Variants in CLINT1 observed in about 807,000 individuals in gnomAD.
The protein encoded by CLINT1 is clathrin interactor 1, also known as clathrin interacting protein localized in the trans-Golgi region.
Under a neutral mutation model 70.4 loss-of-function variants are expected in CLINT1, and 15 were observed. That is an observed-to-expected ratio of 0.21 (90% CI 0.14 to 0.33). The LOEUF (loss-of-function observed/expected upper bound fraction) is 0.33. Among genes scored for constraint, CLINT1 ranks in the 10% least tolerant of loss-of-function variants. The pLI is 1.00. For synonymous variants in CLINT1, 227 were observed against 254.7 expected (o/e 0.89, Z 1.04); for missense variants, 615 against 778.1 (o/e 0.79, Z 2.49).
intron 1 of CLINT1, among the ~76,000 whole-genome samples, chr5:157,828,017 C>T (rs1230462758): frequency 6.6e-6 from 1 of 152,202 alleles, no homozygotes; most frequent in Non-Finnish European, 1.5e-5. Flanking sequence ...TCTGCTTCCT[C>T]ATCTGAAAGG....
chr5:157,837,646 TTA>T, intron 1 of CLINT1, among the ~76,000 whole-genome samples: 3 of 99,792 alleles, frequency 3.0e-5, no homozygotes, highest in African/African-American at 1.1e-4. Context: ...TCAAGCTCTT[TTA>T]CTTTTTTTTT....
intron 6 of CLINT1, among the ~76,000 whole-genome samples, chr5:157,807,027 A>G (rs1762408610): frequency 6.6e-6 from 1 of 152,018 alleles, no homozygotes. Flanking sequence ...TACTTGAAAC[A>G]TGTTCCATTA....
intron 1 of CLINT1, among the ~76,000 whole-genome samples, chr5:157,831,400 T>C (rs974507214): frequency 6.6e-6 from 1 of 152,042 alleles, no homozygotes; most frequent in South Asian, 2.1e-4. Flanking sequence ...CCATGTTGGC[T>C]AGGCTGGTCT....
At chr5:157,818,466 C>CCAAA (rs1561653763) in intron 1 of CLINT1, among the ~76,000 whole-genome samples, 226 of 100,102 alleles carry the variant, frequency 2.3e-3, no homozygotes, top group African/African-American at 6.8e-3. Context: ...GACCTGGTCT[C>CCAAA]TAAAAAAAAA....
intron 1 of CLINT1, among the ~76,000 whole-genome samples, chr5:157,830,786 C>CTA (rs1401664750): frequency 6.9e-4 from 91 of 132,522 alleles, no homozygotes; most frequent in African/African-American, 2.4e-3. Context: ...CTCTCTCTCT[C>CTA]TCTCTCTCTC....
intron 1 of CLINT1, among the ~76,000 whole-genome samples, chr5:157,848,360 G>A (rs2113323136): frequency 6.8e-6 from 1 of 147,740 alleles, no homozygotes; most frequent in African/African-American, 2.5e-5. Context: ...CCCTCACAAA[G>A]CTCTGGGATT....
intron 6 of CLINT1, among the ~76,000 whole-genome samples, chr5:157,807,586 C>A (rs1284335209): frequency 6.6e-6 from 1 of 152,112 alleles, no homozygotes; most frequent in East Asian, 1.9e-4. Flanking sequence ...TCTTCTCTCA[C>A]AAATACTTTA....
At chr5:157,796,536 A>G (rs535936820) in intron 8 of CLINT1, among the ~76,000 whole-genome samples, 1 of 152,340 alleles carries the variant, frequency 6.6e-6, no homozygotes, top group South Asian at 2.1e-4. Context: ...AACATTATAT[A>G]GGTTACATCA....
At chr5:157,844,249 A>G (rs1281918952) in intron 1 of CLINT1, among the ~76,000 whole-genome samples, 1 of 152,210 alleles carries the variant, frequency 6.6e-6, no homozygotes, top group Non-Finnish European at 1.5e-5. Context: ...GTTCTCAAAA[A>G]AGAAACATTT....
At chr5:157,810,965 T>G (rs557671933) in intron 5 of CLINT1, among the ~76,000 whole-genome samples, 41 of 152,352 alleles carry the variant, frequency 2.7e-4, no homozygotes, top group African/African-American at 9.4e-4. Flanking sequence ...ACATATTTAC[T>G]GAATCTGGAA....
chr5:157,825,243 A>G (rs1763000357), intron 1 of CLINT1, among the ~76,000 whole-genome samples: 1 of 152,184 alleles, frequency 6.6e-6, no homozygotes, highest in African/African-American at 2.4e-5. Context: ...TATGGCTTCA[A>G]CTATGTACAC....
intron 1 of CLINT1, among the ~76,000 whole-genome samples, chr5:157,851,887 T>C (rs1753589901): frequency 6.6e-6 from 1 of 152,174 alleles, no homozygotes; most frequent in Non-Finnish European, 1.5e-5. Flanking sequence ...TTCCTTTACC[T>C]GTATTTAATT....
At position 157,851,915 on chromosome 5, in the gene CLINT1, T is replaced by C. The variant is rs533264383; in HGVS notation, c.41+7015A>G. Among the ~76,000 whole-genome samples, 3 of 152,298 alleles carry C rather than the reference T, an allele frequency of 2.0e-5. No homozygotes were observed. In the East Asian group the frequency reaches 5.8e-4, roughly 29 times the overall value. ...ATTTAATTTTCAGGCAAAAGAGCCC[T>C]GGTAAGCCAAATAATTTCTTGCCAA... On this transcript the variant is annotated intron_variant, in intron 1 of 11. Transcript: ENST00000411809.
intron 1 of CLINT1, among the ~76,000 whole-genome samples, chr5:157,850,175 C>T (rs1311687651): frequency 6.6e-6 from 1 of 152,108 alleles, no homozygotes; most frequent in East Asian, 1.9e-4. Context: ...GAATTCTGAA[C>T]CCATTTGACT....
chr5:157,841,099 A>T (rs1753158913), intron 1 of CLINT1, among the ~76,000 whole-genome samples: 1 of 149,902 alleles, frequency 6.7e-6, no homozygotes, highest in African/African-American at 2.5e-5. Flanking sequence ...ACGTCTCTAT[A>T]AAAAAATACA....
At position 157,786,724 on chromosome 5, in the gene CLINT1, A is replaced by G. The variant is rs1761738047; in HGVS notation, c.*922T>C. The G allele has an allele frequency of 6.6e-6, 1 of 152,552 alleles. No homozygotes were observed. Among genetic ancestry groups the G allele is most frequent in the Non-Finnish European group, 1.5e-5 (1 of 68,022 alleles). 9.4% of individuals were successfully genotyped at this position (152,552 alleles called of 1,614,324 possible). ...GCAAACATTGAGTTGTAACATTTAT[A>G]TTTAACTTAAGGTTTTAATGGATTT... On this transcript the variant is annotated 3_prime_UTR_variant, in exon 12 of 12. Transcript: ENST00000411809.
intron 1 of CLINT1, among the ~76,000 whole-genome samples, chr5:157,823,050 T>C (rs1424006797): frequency 6.6e-6 from 1 of 152,200 alleles, no homozygotes; most frequent in Non-Finnish European, 1.5e-5. Context: ...AATGAATCTA[T>C]ATTTTTTATA....
At chr5:157,792,533 G>A (rs973184890) in intron 9 of CLINT1, among the ~76,000 whole-genome samples, 9 of 152,128 alleles carry the variant, frequency 5.9e-5, no homozygotes, top group African/African-American at 2.2e-4. Context: ...GGGTGACAGA[G>A]CGAGACTCCG....
At chr5:157,791,117 G>A (rs954641349) in intron 10 of CLINT1, among the ~76,000 whole-genome samples, 2 of 152,018 alleles carry the variant, frequency 1.3e-5, no homozygotes, top group Non-Finnish European at 2.9e-5. Context: ...GGAGTGCAGT[G>A]GCGCGATCTC....
Sources: gnomAD v4.1 joint callset for allele counts (sites outside exome capture counted in the v4.1 genomes callset) on GRCh38, gnomAD v4.1.1 for gene constraint, MANE v1.5 for transcripts, NCBI Gene and HGNC (gene_info 2026-07-23, HGNC 2026-07-21) for gene names.